Variants in IL1RAPL2 observed in about 807,000 individuals in gnomAD.
IL1RAPL2 encodes the protein X-linked interleukin-1 receptor accessory protein-like 2.
IL1RAPL2 carries 3 observed loss-of-function variants against 44.1 expected under a neutral mutation model. The ratio of observed to expected loss-of-function variants is 0.07; its 90% CI spans 0.03 to 0.18. IL1RAPL2 has a LOEUF of 0.18. IL1RAPL2 is among the 10% of genes least tolerant of loss of function. IL1RAPL2 has a pLI of 1.00. For missense variants in IL1RAPL2, 391 were observed against 496.4 expected (o/e 0.79, Z 2.02); for synonymous variants, 181 against 178.8 (o/e 1.01, Z -0.10).
chrX:105,454,533 C>T (rs1185182333), intron 5 of IL1RAPL2, among the ~76,000 whole-genome samples: 3 of 111,028 alleles, frequency 2.7e-5, no homozygotes, highest in African/African-American at 9.9e-5. Flanking sequence ...ACAGGCAGTC[C>T]AGCACAGAGT....
intron 2 of IL1RAPL2, among the ~76,000 whole-genome samples, chrX:105,017,199 T>C (rs966423751): frequency 1.8e-5 from 2 of 110,899 alleles, no homozygotes; most frequent in African/African-American, 6.6e-5. Flanking sequence ...TTTCTTTTCT[T>C]CTTTATTAGT....
intron 3 of IL1RAPL2, among the ~76,000 whole-genome samples, chrX:105,206,256 C>T (rs1469845937): frequency 1.8e-5 from 2 of 111,883 alleles, no homozygotes; most frequent in African/African-American, 3.3e-5. Flanking sequence ...ACCACTGCTA[C>T]TACTAGCTAT....
At chrX:105,630,704 G>T (rs1296030465) in intron 6 of IL1RAPL2, among the ~76,000 whole-genome samples, 2 of 110,388 alleles carry the variant, frequency 1.8e-5, no homozygotes, top group African/African-American at 6.6e-5. Flanking sequence ...AGAATTAATT[G>T]TCAATTGAGT....
At chrX:105,612,773 C>A (rs1248362246) in intron 6 of IL1RAPL2, among the ~76,000 whole-genome samples, 2 of 112,007 alleles carry the variant, frequency 1.8e-5, no homozygotes, top group African/African-American at 6.5e-5. Flanking sequence ...TCTGCTAATG[C>A]CCTCCCATGG....
chrX:104,627,153 A>G (rs905593083), intron 1 of IL1RAPL2, among the ~76,000 whole-genome samples: 2 of 109,669 alleles, frequency 1.8e-5, no homozygotes, highest in Non-Finnish European at 3.8e-5. Flanking sequence ...ACTGATTTTA[A>G]TTTTATTGAG....
At chrX:105,208,663 T>A (rs894431345) in intron 3 of IL1RAPL2, among the ~76,000 whole-genome samples, 5 of 111,677 alleles carry the variant, frequency 4.5e-5, no homozygotes, top group African/African-American at 1.3e-4. Flanking sequence ...TACACACTCG[T>A]TTCCAGACCA....
chrX:105,468,787 T>A lies in IL1RAPL2; in HGVS notation c.698-15526T>A, dbSNP rs142526548. Among the ~76,000 whole-genome samples, 206 of 111,847 alleles carry A rather than the reference T, an allele frequency of 1.8e-3. 1 individual carries two copies. Among genetic ancestry groups the A allele is most frequent in the African/African-American group, 6.5e-3 (202 of 30,858 alleles). ...TCAGAGTGCTATCCTGTTCTGCATT[T>A]TTTATCTGTGACTTAGATGACATAT... On this transcript the variant is annotated intron_variant, in intron 5 of 10. Coordinates refer to ENST00000372582, the MANE Select transcript of IL1RAPL2 (RefSeq NM_017416.2).
chrX:104,576,249 C>T (rs1338652390), intron 1 of IL1RAPL2, among the ~76,000 whole-genome samples: 3 of 111,199 alleles, frequency 2.7e-5, no homozygotes, highest in Non-Finnish European at 5.7e-5. Context: ...GGTGAGAACC[C>T]AGCCAGTCTC....
chrX:105,454,478 A>G (rs1302862919), intron 5 of IL1RAPL2, among the ~76,000 whole-genome samples: 1 of 110,795 alleles, frequency 9.0e-6, no homozygotes, highest in Non-Finnish European at 1.9e-5. Flanking sequence ...GAGTACAGTT[A>G]TGACACCAAC....
intron 2 of IL1RAPL2, among the ~76,000 whole-genome samples, chrX:105,035,846 G>T (rs1300366567): frequency 8.9e-6 from 1 of 112,392 alleles, no homozygotes; most frequent in Admixed American, 9.4e-5. Flanking sequence ...TAATCTGACT[G>T]CTTGCATCTT....
chrX:105,454,364 C>T (rs2036040564), intron 5 of IL1RAPL2, among the ~76,000 whole-genome samples: 1 of 111,649 alleles, frequency 9.0e-6, no homozygotes, highest in South Asian at 3.8e-4. Flanking sequence ...TACATCCTGC[C>T]TTGAGGCCGA....
chrX:104,855,862 G>A (rs1190176859), intron 2 of IL1RAPL2, among the ~76,000 whole-genome samples: 1 of 107,828 alleles, frequency 9.3e-6, no homozygotes. Flanking sequence ...CACAGAGGAC[G>A]TCTCACCATG....
At chrX:104,849,020 T>A (rs1602757675) in intron 2 of IL1RAPL2, among the ~76,000 whole-genome samples, 2 of 110,339 alleles carry the variant, frequency 1.8e-5, no homozygotes, top group South Asian at 7.8e-4. Context: ...TATTATTTAT[T>A]TATTTGAGAC....
At chrX:104,814,007 C>T (rs1371685750) in intron 2 of IL1RAPL2, among the ~76,000 whole-genome samples, 1 of 110,720 alleles carries the variant, frequency 9.0e-6, no homozygotes, top group East Asian at 2.8e-4. Flanking sequence ...TGTTTTTTTC[C>T]CTGCTGCCTT....
rs947701764 is a variant in IL1RAPL2, at chrX:104,641,952, C to G, written c.-19-16943C>G. ...GTGTGGCACCCAGCACAGACTCACT[C>G]CCTGGAACACTTCCCTCCCGTGGTC... On this transcript the variant is annotated intron_variant, in intron 1 of 10. Transcript: ENST00000372582. Among the ~76,000 whole-genome samples the G allele has an allele frequency of 7.6e-4, 85 of 111,584 alleles. 1 individual carries two copies. In the Admixed American group the frequency reaches 8.1e-3, roughly 11 times the overall value.
chrX:105,170,699 A>G (rs2033415916), intron 2 of IL1RAPL2, among the ~76,000 whole-genome samples: 1 of 112,123 alleles, frequency 8.9e-6, no homozygotes, highest in Non-Finnish European at 1.9e-5. Context: ...ACCCCATGCT[A>G]TACTGCCAGT....
At chrX:104,575,035 G>A (rs986968583) in intron 1 of IL1RAPL2, among the ~76,000 whole-genome samples, 97 of 111,569 alleles carry the variant, frequency 8.7e-4, no homozygotes, top group African/African-American at 3.0e-3. Flanking sequence ...AAGCACAGTG[G>A]CAGTTATTAT....
At chrX:105,288,442 A>G (rs945990207) in intron 5 of IL1RAPL2, among the ~76,000 whole-genome samples, 21 of 109,423 alleles carry the variant, frequency 1.9e-4, no homozygotes, top group Non-Finnish European at 3.8e-5. Context: ...TAATTTTTTC[A>G]CATATATTTC....
At chrX:104,608,126 A>G (rs1929057881) in intron 1 of IL1RAPL2, among the ~76,000 whole-genome samples, 1 of 110,995 alleles carries the variant, frequency 9.0e-6, no homozygotes, top group African/African-American at 3.3e-5. Context: ...AACTATCGCA[A>G]GGACAGAAAA....
Sources: gnomAD v4.1 joint callset for allele counts (sites outside exome capture counted in the v4.1 genomes callset) on GRCh38, gnomAD v4.1.1 for gene constraint, MANE v1.5 for transcripts, NCBI Gene and HGNC (gene_info 2026-07-23, HGNC 2026-07-21) for gene names.